Variants in MARCHF1 observed in about 807,000 individuals in gnomAD.
MARCHF1 encodes the protein membrane associated ring-CH-type finger 1.
In MARCHF1, 40 loss-of-function variants were observed where a neutral mutation model predicts 54.2. That is an observed-to-expected ratio of 0.74 (90% CI 0.57 to 0.96). MARCHF1 has a LOEUF of 0.96. Among genes scored for constraint, MARCHF1 ranks in the 40% least tolerant of loss-of-function variants. The pLI is 0.00. For missense variants in MARCHF1, 586 were observed against 656.5 expected, an observed-to-expected ratio of 0.89 and a Z score of 1.17; for synonymous variants, 236 against 236.3, an observed-to-expected ratio of 1.00 and a Z score of 0.01.
rs373500979 is a variant in MARCHF1, at chr4:164,182,887, CTTATT to C, written c.-322-71230_-322-71226del. On this transcript the variant is annotated intron_variant, in intron 1 of 9. Transcript: ENST00000514618. Reference sequence around the variant, plus strand: ...TATAAAATATCTAGACATAAGACTTCTTATTTTAAAGAAAAACCATTCATGTCAAA... The same window carrying C: ...TATAAAATATCTAGACATAAGACTTCTTAAAGAAAAACCATTCATGTCAAA... Among the ~76,000 whole-genome samples, 867 of 152,026 alleles carry C rather than the reference CTTATT, an allele frequency of 5.7e-3. 4 individuals carry two copies. The highest frequency in any genetic ancestry group is 0.02 in the African/African-American group (820 of 41,526).
rs112068927 is a variant in MARCHF1, at chr4:164,340,546, C to T, written c.-323+43324G>A. 1.3e-3 allele frequency among the ~76,000 whole-genome samples: 197 copies of T among 150,820 alleles called. 1 individual carries two copies. Among genetic ancestry groups the T allele is most frequent in the Middle Eastern group, 6.9e-3 (2 of 288 alleles). On this transcript the variant is annotated intron_variant, in intron 1 of 9. Transcript: ENST00000514618. The stretch of plus-strand genomic sequence containing the variant: ...CTGAGTTCCAGCGATTCTCCTGCCT[C>T]AGCCTCTCAAGTAGCTGGGACCGCC...
At chr4:163,962,016 T>C (rs970772837) in intron 3 of MARCHF1, among the ~76,000 whole-genome samples, 1 of 152,006 alleles carries the variant, frequency 6.6e-6, no homozygotes. Context: ...GAAACAGTTG[T>C]CTGTTAAAAT....
intron 1 of MARCHF1, among the ~76,000 whole-genome samples, chr4:164,380,414 C>A (rs1306119666): frequency 6.6e-6 from 1 of 152,172 alleles, no homozygotes; most frequent in African/African-American, 2.4e-5. Context: ...ATATTATCAT[C>A]TTTATTTTAT....
At chr4:164,307,876 A>ATT (rs1283149779) in intron 1 of MARCHF1, among the ~76,000 whole-genome samples, 6 of 152,234 alleles carry the variant, frequency 3.9e-5, no homozygotes, top group African/African-American at 1.4e-4. Flanking sequence ...CCTCCTTTCC[A>ATT]GAAGAATAAT....
At chr4:163,977,301 G>A (rs1752667337) in intron 3 of MARCHF1, among the ~76,000 whole-genome samples, 1 of 151,992 alleles carries the variant, frequency 6.6e-6, no homozygotes, top group Non-Finnish European at 1.5e-5. Flanking sequence ...AAGAAGAGAA[G>A]AAAACCTGAT....
chr4:164,164,737 C>T (rs756207773), intron 1 of MARCHF1, among the ~76,000 whole-genome samples: 23 of 151,944 alleles, frequency 1.5e-4, no homozygotes, highest in African/African-American at 5.3e-4. Context: ...TGACAACAAT[C>T]AAGGCTTTGA....
chr4:163,818,708 T>C lies in MARCHF1; in HGVS notation c.111+35313A>G, dbSNP rs1458991899. Reference sequence around the variant, plus strand: ...TATCCTCAGGCTCTTCTCAAAATATTCCTTTTCTCCAGGTTTTAATTGACC... The same window carrying C: ...TATCCTCAGGCTCTTCTCAAAATATCCCTTTTCTCCAGGTTTTAATTGACC... On this transcript the variant is annotated intron_variant, in intron 4 of 9. Coordinates refer to ENST00000514618, the MANE Select transcript of MARCHF1 (RefSeq NM_001394959.1). Among the ~76,000 whole-genome samples the C allele has an allele frequency of 2.3e-4, 35 of 152,002 alleles. 1 individual carries two copies.
chr4:164,034,510 A>G (rs904250234), intron 2 of MARCHF1, among the ~76,000 whole-genome samples: 2 of 152,162 alleles, frequency 1.3e-5, no homozygotes, highest in Non-Finnish European at 2.9e-5. Context: ...TGTCAAAAAG[A>G]TACATGCAAC....
chr4:163,575,392 C>T (rs1740002447), intron 8 of MARCHF1, among the ~76,000 whole-genome samples: 1 of 152,008 alleles, frequency 6.6e-6, no homozygotes, highest in South Asian at 2.1e-4. Flanking sequence ...ATCTTGCATC[C>T]CAGGAATGAA....
At position 163,770,774 on chromosome 4, in the gene MARCHF1, C is replaced by T. The variant is rs151084177; in HGVS notation, c.112-69911G>A. Reference sequence around the variant, plus strand: ...GAGGGGTTGGGAAGAAAAAGTTCTTCAACGCTCATGAGATGAGAAATGTTA... The same window carrying T: ...GAGGGGTTGGGAAGAAAAAGTTCTTTAACGCTCATGAGATGAGAAATGTTA... On this transcript the variant is annotated intron_variant, in intron 4 of 9. Transcript: ENST00000514618. 7.3e-4 allele frequency among the ~76,000 whole-genome samples: 111 copies of T among 152,248 alleles called. 3 individuals are homozygous for T. In the East Asian group the frequency reaches 0.02, roughly 28 times the overall value.
intron 3 of MARCHF1, among the ~76,000 whole-genome samples, chr4:163,915,896 C>T (rs1385829618): frequency 6.6e-6 from 1 of 152,128 alleles, no homozygotes; most frequent in Non-Finnish European, 1.5e-5. Flanking sequence ...CCTTGATTTC[C>T]TACTTGGCCA....
At chr4:164,034,972 G>T (rs142277252) in intron 2 of MARCHF1, among the ~76,000 whole-genome samples, 1 of 152,044 alleles carries the variant, frequency 6.6e-6, no homozygotes, top group Non-Finnish European at 1.5e-5. Context: ...ACAAAAATCC[G>T]TGTTATAAAT....
chr4:164,205,886 A>T (rs1404993471), intron 1 of MARCHF1, among the ~76,000 whole-genome samples: 1 of 152,230 alleles, frequency 6.6e-6, no homozygotes, highest in African/African-American at 2.4e-5. Context: ...TCAGAATGAT[A>T]TACGTCACAG....
At chr4:164,197,166 C>T (rs767217159) in intron 1 of MARCHF1, 5 of 1,608,016 alleles carry the variant, frequency 3.1e-6, no homozygotes, top group Admixed American at 1.7e-5. Context: ...CCTCATCTTC[C>T]ACTACCTGAG....
At chr4:164,272,677 A>G (rs529603545) in intron 1 of MARCHF1, among the ~76,000 whole-genome samples, 2 of 126,384 alleles carry the variant, frequency 1.6e-5, no homozygotes, top group South Asian at 2.3e-4. Context: ...TTTCAATTGG[A>G]AAAAAAATAG....
intron 1 of MARCHF1, among the ~76,000 whole-genome samples, chr4:164,319,616 C>T (rs928109844): frequency 6.6e-6 from 1 of 152,048 alleles, no homozygotes; most frequent in African/African-American, 2.4e-5. Context: ...AAATGTCAGA[C>T]CCCTAATACT....
chr4:163,622,927 G>T lies in MARCHF1; in HGVS notation c.163-9534C>A, dbSNP rs999330607. On this transcript the variant is annotated intron_variant, in intron 5 of 9. Transcript: ENST00000514618. ...AGTAATGCAGAATCTAGCCTGTCTT[G>T]AGAGGCCCTAGAAAGCCAGCAAGTG... 2.4e-4 allele frequency among the ~76,000 whole-genome samples: 37 copies of T among 152,288 alleles called. 1 individual carries two copies. Among genetic ancestry groups the T allele is most frequent in the Middle Eastern group, 6.8e-3 (2 of 294 alleles).
chr4:163,920,312 A>G (rs1751396995), intron 3 of MARCHF1, among the ~76,000 whole-genome samples: 1 of 152,180 alleles, frequency 6.6e-6, no homozygotes. Flanking sequence ...TAACCATGAA[A>G]TTGTTCACCT....
intron 1 of MARCHF1, among the ~76,000 whole-genome samples, chr4:164,239,796 T>C (rs1040819507): frequency 6.6e-6 from 1 of 151,398 alleles, no homozygotes; most frequent in Non-Finnish European, 1.5e-5. Context: ...TATGTCATAT[T>C]CTTCTTTTCA....
Sources: gnomAD v4.1 joint callset for allele counts (sites outside exome capture counted in the v4.1 genomes callset) on GRCh38, gnomAD v4.1.1 for gene constraint, MANE v1.5 for transcripts, NCBI Gene and HGNC (gene_info 2026-07-23, HGNC 2026-07-21) for gene names.